PANX1: variants seen among roughly 807,000 people sequenced by gnomAD.
The protein encoded by PANX1 is pannexin-1.
In PANX1, 30 loss-of-function variants were observed where a neutral mutation model predicts 38.7. The ratio of observed to expected loss-of-function variants is 0.78; its 90% CI spans 0.58 to 1.05. The LOEUF (loss-of-function observed/expected upper bound fraction) is 1.05. PANX1 is among the 50% of genes least tolerant of loss of function. The pLI, the probability that PANX1 is intolerant of heterozygous loss-of-function variation, is 0.00. For missense variants in PANX1, 551 were observed against 517.2 expected (o/e 1.07, Z -0.63); for synonymous variants, 230 against 212.2 (o/e 1.08, Z -0.73).
chr11:94,136,014 A>G (rs1226014017), intron 1 of PANX1, among the ~76,000 whole-genome samples: 1 of 152,182 alleles, frequency 6.6e-6, no homozygotes, highest in Non-Finnish European at 1.5e-5. Flanking sequence ...ATGGACATTT[A>G]CTTTCTTTCA....
intron 2 of PANX1, among the ~76,000 whole-genome samples, chr11:94,157,186 A>C (rs1476010117): frequency 6.6e-6 from 1 of 152,164 alleles, no homozygotes; most frequent in African/African-American, 2.4e-5. Context: ...CACAATAAAC[A>C]TACATGTACA....
At chr11:94,154,998 G>A (rs1946931583) in intron 2 of PANX1, among the ~76,000 whole-genome samples, 2 of 152,174 alleles carry the variant, frequency 1.3e-5, no homozygotes, top group South Asian at 2.1e-4. Context: ...CTGAAGTCAG[G>A]AGTTTGAGAC....
rs200814823 is a variant in PANX1, at chr11:94,132,179, GTTA to G, written c.181+2688_181+2690del. ...CATCATCAGACCTTGCTAATTGATT[GTTA>G]TGTGCATGATGCTGTACCTTGGCAA... On this transcript the variant is annotated intron_variant, in intron 1 of 4. Transcript: ENST00000227638. Among the ~76,000 whole-genome samples the G allele has an allele frequency of 8.6e-3, 1,314 of 152,326 alleles. 20 individuals carry two copies. Among genetic ancestry groups the G allele is most frequent in the Non-Finnish European group, 8.7e-3 (591 of 68,034 alleles).
At chr11:94,143,694 A>G (rs1457384033) in intron 1 of PANX1, among the ~76,000 whole-genome samples, 1 of 152,128 alleles carries the variant, frequency 6.6e-6, no homozygotes, top group Admixed American at 6.5e-5. Flanking sequence ...ACCTCTATTT[A>G]TAGAACACTT....
chr11:94,179,459 T>G, intron 3 of PANX1, 143 bp from the exon 4 acceptor site: 1 of 606,050 alleles, frequency 1.7e-6, no homozygotes, highest in Non-Finnish European at 2.9e-6. Flanking sequence ...TTAAACGGAT[T>G]TTATTTTTGA....
intron 1 of PANX1, among the ~76,000 whole-genome samples, chr11:94,152,819 C>T (rs905522673): frequency 6.6e-6 from 1 of 152,184 alleles, no homozygotes; most frequent in Non-Finnish European, 1.5e-5. Flanking sequence ...CCCAGAAGAG[C>T]GAGTGAACGG....
rs184660676 is a variant in PANX1, at chr11:94,139,145, C to G, written c.181+9652C>G. Reference sequence around the variant, plus strand: ...GGGCTGTTTATATTGTTCCACTGGTCTATTAATTTTCATGAAAATACCAGA... The same window carrying G: ...GGGCTGTTTATATTGTTCCACTGGTGTATTAATTTTCATGAAAATACCAGA... On this transcript the variant is annotated intron_variant, in intron 1 of 4. Transcript: ENST00000227638. Among the ~76,000 whole-genome samples, 12 of 152,246 alleles carry G rather than the reference C, an allele frequency of 7.9e-5. No homozygotes were observed. In the East Asian group the frequency reaches 2.1e-3, roughly 27 times the overall value.
At chr11:94,178,941 CAG>C (rs1193345992) in intron 3 of PANX1, among the ~76,000 whole-genome samples, 2 of 152,088 alleles carry the variant, frequency 1.3e-5, no homozygotes, top group Non-Finnish European at 2.9e-5. Flanking sequence ...TGGAGACGCA[CAG>C]AGGATTTCAA....
chr11:94,132,921 C>A (rs1486365795), intron 1 of PANX1, among the ~76,000 whole-genome samples: 1 of 152,116 alleles, frequency 6.6e-6, no homozygotes, highest in Non-Finnish European at 1.5e-5. Flanking sequence ...AGCAGGTTCT[C>A]TGTGGGGGTG....
chr11:94,177,668 C>T (rs555094638), intron 2 of PANX1, among the ~76,000 whole-genome samples: 7 of 148,222 alleles, frequency 4.7e-5, no homozygotes, highest in Non-Finnish European at 7.7e-5. Context: ...CGTGTGAATC[C>T]CCTCTTGTTT....
intron 1 of PANX1, among the ~76,000 whole-genome samples, 195 bp downstream of exon 1, chr11:94,129,688 C>T (rs780933535): frequency 7.2e-5 from 11 of 152,216 alleles, no homozygotes; most frequent in Non-Finnish European, 1.0e-4. Context: ...GTCTACTCTG[C>T]TCGCATCCCT....
intron 2 of PANX1, among the ~76,000 whole-genome samples, chr11:94,165,771 A>G (rs759568142): frequency 1.3e-5 from 2 of 152,156 alleles, no homozygotes; most frequent in Non-Finnish European, 2.9e-5. Context: ...TTAGCCAGGC[A>G]TGGTGGTGCA....
chr11:94,162,813 A>C (rs1947060857), intron 2 of PANX1, among the ~76,000 whole-genome samples: 1 of 149,186 alleles, frequency 6.7e-6, no homozygotes, highest in Non-Finnish European at 1.5e-5. Flanking sequence ...CGTCGCTCAC[A>C]CTGGGAGCTC....
intron 1 of PANX1, among the ~76,000 whole-genome samples, chr11:94,135,232 C>CTAAGAGG (rs1304642581): frequency 2.0e-5 from 3 of 152,224 alleles, no homozygotes; most frequent in Non-Finnish European, 4.4e-5. Flanking sequence ...TGGGCAGCCA[C>CTAAGAGG]CGTTCTGGGT....
In PANX1 at chr11:94,129,196, C is replaced by G. The variant is rs879326248; in HGVS notation, c.-117C>G. On this transcript the variant is annotated 5_prime_UTR_variant, in exon 1 of 5. Coordinates refer to ENST00000227638, the MANE Select transcript of PANX1 (RefSeq NM_015368.4). The stretch of plus-strand genomic sequence containing the variant: ...CACAAAGGCAGGCGGGATGCGGGAG[C>G]AGGCAAAGGGAAAGCGAAAGCCGCG... 4.1e-6 allele frequency: 3 copies of G among 736,750 alleles called. No individual in the cohort carries two copies. Among genetic ancestry groups the G allele is most frequent in the Admixed American group, 3.2e-5 (1 of 31,558 alleles). 45.6% of individuals were successfully genotyped at this position (736,750 alleles called of 1,614,324 possible).
chr11:94,149,324 G>A (rs1946859854), intron 1 of PANX1, among the ~76,000 whole-genome samples: 1 of 152,122 alleles, frequency 6.6e-6, no homozygotes, highest in South Asian at 2.1e-4. Context: ...TATAGGTACA[G>A]GTCAAGGCTA....
At chr11:94,158,853 T>C (rs1056538764) in intron 2 of PANX1, among the ~76,000 whole-genome samples, 1 of 152,174 alleles carries the variant, frequency 6.6e-6, no homozygotes, top group Admixed American at 6.5e-5. Flanking sequence ...GCTTCCAGTT[T>C]TTGCCCATTC....
chr11:94,161,180 G>A (rs1947026969), intron 2 of PANX1, among the ~76,000 whole-genome samples: 1 of 152,080 alleles, frequency 6.6e-6, no homozygotes, highest in African/African-American at 2.4e-5. Flanking sequence ...TTTCAACTTT[G>A]GTGAATCTGA....
intron 2 of PANX1, among the ~76,000 whole-genome samples, chr11:94,170,188 C>G (rs1366055303): frequency 2.6e-5 from 4 of 151,672 alleles, no homozygotes; most frequent in African/African-American, 9.8e-5. Context: ...AAACTGAGAC[C>G]TGCATCCATT....
Sources: allele counts gnomAD v4.1 joint callset (sites outside exome capture counted in the v4.1 genomes callset), GRCh38; gene constraint gnomAD v4.1.1; transcripts MANE v1.5; gene names NCBI Gene and HGNC (gene_info 2026-07-23, HGNC 2026-07-21).